The following CELF4 variants were observed in gnomAD, a reference collection of about 807,000 sequenced individuals.
The protein encoded by CELF4 is CUG-BP- and ETR-3-like factor 4.
In CELF4, 18 loss-of-function variants were observed where a neutral mutation model predicts 59.9. The ratio of observed to expected loss-of-function variants is 0.30; its 90% CI spans 0.21 to 0.45. The LOEUF (loss-of-function observed/expected upper bound fraction) is 0.45. Ranked by LOEUF, CELF4 falls within the 20% of genes least tolerant of loss-of-function variation. CELF4 has a pLI of 1.00. For missense variants in CELF4, 456 were observed against 689.0 expected (o/e 0.66, Z 3.79); for synonymous variants, 261 against 267.1 (o/e 0.98, Z 0.22).
intron 1 of CELF4, among the ~76,000 whole-genome samples, chr18:37,515,219 G>A (rs1246892044): frequency 6.6e-6 from 1 of 152,176 alleles, no homozygotes; most frequent in African/African-American, 2.4e-5. Context: ...GCCTGGAGGA[G>A]GGGGATTTGC....
At position 37,245,798 on chromosome 18, in the gene CELF4, T is replaced by C. The variant is rs1259673964; in HGVS notation, c.*45-601A>G. Among the ~76,000 whole-genome samples, 2 of 152,200 alleles carry C rather than the reference T, an allele frequency of 1.3e-5. No individual in the cohort carries two copies. Among genetic ancestry groups the C allele is most frequent in the Non-Finnish European group, 2.9e-5 (2 of 68,044 alleles). On this transcript the variant is annotated intron_variant, in intron 12 of 12. Coordinates refer to ENST00000420428, the MANE Select transcript of CELF4 (RefSeq NM_020180.4). The surrounding 1 kb of genome is among the most constrained non-coding windows in gnomAD (Gnocchi z 4.1). ...TGTGTAGAATATATTCACCTGCACA[T>C]ATGTGGATATACATGGATATGTGTG... is the stretch of plus-strand genomic sequence containing the variant.
At chr18:37,496,238 G>T (rs1045486818) in intron 1 of CELF4, among the ~76,000 whole-genome samples, 2 of 152,204 alleles carry the variant, frequency 1.3e-5, no homozygotes, top group East Asian at 3.9e-4. Context: ...GCTTTCTGCT[G>T]TTCTCATCTG....
At chr18:37,265,032 CGTGT>C (rs749716103) in intron 9 of CELF4, among the ~76,000 whole-genome samples, 1 of 146,414 alleles carries the variant, frequency 6.8e-6, no homozygotes, top group Admixed American at 6.8e-5. Context: ...TGTGTGTGTA[CGTGT>C]GTGTGTACAT....
At chr18:37,402,606 C>T (rs1290273926) in intron 2 of CELF4, among the ~76,000 whole-genome samples, 1 of 152,134 alleles carries the variant, frequency 6.6e-6, no homozygotes, top group Non-Finnish European at 1.5e-5. Context: ...TTTATTCCAG[C>T]AAAGAGCCAG....
chr18:37,564,042 G>T (rs1454390824), intron 1 of CELF4, among the ~76,000 whole-genome samples: 1 of 152,146 alleles, frequency 6.6e-6, no homozygotes, highest in Non-Finnish European at 1.5e-5. Flanking sequence ...CAAGGATGAG[G>T]CTGCTCTCTA....
chr18:37,321,863 C>T lies in CELF4; in HGVS notation c.388G>A (p.Val130Met). ...TLPGMNRPIQ[V>M]KPADSESRGG... ...CGGCTCTCGCTGTCCGCAGGCTTCA[C>T]CTGGATCGGCCGGTTCATCTGCAAC... Residue 130 changes from valine to methionine, a missense_variant, in exon 3 of 13, where the codon GTG (valine) becomes ATG (methionine). Val to Met is a conservative substitution (Grantham distance 21). Transcript: ENST00000420428. The T allele has an allele frequency of 6.2e-7, 1 of 1,613,424 alleles. No homozygotes were observed. The highest frequency in any genetic ancestry group is 1.3e-5 in the African/African-American group (1 of 75,060).
At chr18:37,370,490 C>T (rs1248458123) in intron 2 of CELF4, among the ~76,000 whole-genome samples, 2 of 152,172 alleles carry the variant, frequency 1.3e-5, no homozygotes, top group South Asian at 2.1e-4. Context: ...ATCCAGCCTC[C>T]CTACATCCTG....
chr18:37,496,587 A>G (rs1180697607), intron 1 of CELF4, among the ~76,000 whole-genome samples: 2 of 152,234 alleles, frequency 1.3e-5, no homozygotes, highest in Non-Finnish European at 2.9e-5. Context: ...AGCATCCAAG[A>G]CAGGCTATTT....
At chr18:37,342,107 C>G (rs546918446) in intron 2 of CELF4, among the ~76,000 whole-genome samples, 1 of 152,068 alleles carries the variant, frequency 6.6e-6, no homozygotes, top group Non-Finnish European at 1.5e-5. Context: ...CCACACACAA[C>G]CTTTTCTTCT....
At chr18:37,342,180 TG>T (rs1417483092) in intron 2 of CELF4, among the ~76,000 whole-genome samples, 1 of 151,758 alleles carries the variant, frequency 6.6e-6, no homozygotes, top group Non-Finnish European at 1.5e-5. Flanking sequence ...GGTAGGGCTG[TG>T]GCCATTTTGT....
chr18:37,255,872 G>GT (rs2069001347), intron 11 of CELF4, among the ~76,000 whole-genome samples: 1 of 152,188 alleles, frequency 6.6e-6, no homozygotes, highest in African/African-American at 2.4e-5. Context: ...GGGCACAGGC[G>GT]TAGCGGCAGG....
intron 1 of CELF4, among the ~76,000 whole-genome samples, chr18:37,534,873 C>T (rs919697691): frequency 6.6e-6 from 1 of 152,148 alleles, no homozygotes; most frequent in Non-Finnish European, 1.5e-5. Flanking sequence ...CGGGTGTTTA[C>T]AGAACCCCTT....
At chr18:37,556,842 G>A (rs868670005) in intron 1 of CELF4, among the ~76,000 whole-genome samples, 8 of 152,186 alleles carry the variant, frequency 5.3e-5, no homozygotes, top group South Asian at 4.1e-4. Flanking sequence ...AAACAGCCAC[G>A]TATGGCATTC....
intron 3 of CELF4, among the ~76,000 whole-genome samples, chr18:37,319,428 T>G (rs1487441329): frequency 6.6e-6 from 1 of 152,204 alleles, no homozygotes; most frequent in Non-Finnish European, 1.5e-5. Context: ...CCCTGGGGCA[T>G]GGGATCCCTT....
intron 2 of CELF4, among the ~76,000 whole-genome samples, chr18:37,359,715 A>AATT (rs2098670014): frequency 6.6e-6 from 1 of 151,982 alleles, no homozygotes; most frequent in African/African-American, 2.4e-5. Flanking sequence ...TGCCCAGCTA[A>AATT]TTTTTGTATT....
At position 37,321,023 on chromosome 18, in the gene CELF4, C is replaced by A. The variant is rs1201404093; in HGVS notation, c.448+780G>T. On this transcript the variant is annotated intron_variant, in intron 3 of 12. Transcript: ENST00000420428. ...ATGTCAGAGTATGTTTGAATCTCATCTAGGGGAGCCTAGGGCCAGGGCTGT... is the reference window on the plus strand; with the variant it reads ...ATGTCAGAGTATGTTTGAATCTCATATAGGGGAGCCTAGGGCCAGGGCTGT... Among the ~76,000 whole-genome samples, 6 of 152,230 alleles carry A rather than the reference C, an allele frequency of 3.9e-5. No individual in the cohort carries two copies. The South Asian group carries it at 1.2e-3, about 32-fold the overall frequency.
chr18:37,287,703 C>A (rs2094934795), intron 3 of CELF4, among the ~76,000 whole-genome samples: 1 of 152,156 alleles, frequency 6.6e-6, no homozygotes, highest in Non-Finnish European at 1.5e-5. Flanking sequence ...CCCCAAGGAA[C>A]TCAGAGGGCC....
chr18:37,408,459 G>GGTT (rs2099405207), intron 2 of CELF4, among the ~76,000 whole-genome samples: 1 of 126,838 alleles, frequency 7.9e-6, no homozygotes, highest in South Asian at 2.7e-4. Flanking sequence ...AATCAAGAAG[G>GGTT]TTTTTTTTTT....
chr18:37,542,085 T>C (rs998224473), intron 1 of CELF4, among the ~76,000 whole-genome samples: 2 of 152,124 alleles, frequency 1.3e-5, no homozygotes, highest in Non-Finnish European at 2.9e-5. Flanking sequence ...TCAATCCTGA[T>C]GGTGTTTGTG....
Sources: allele counts gnomAD v4.1 joint callset (sites outside exome capture counted in the v4.1 genomes callset), GRCh38; gene constraint gnomAD v4.1.1; non-coding constraint Gnocchi (gnomAD v3.1); transcripts MANE v1.5; gene names NCBI Gene and HGNC (gene_info 2026-07-23, HGNC 2026-07-21).